Variants in DGKB observed in about 807,000 individuals in gnomAD.
DGKB encodes the protein diacylglycerol kinase beta.
In DGKB, 67 loss-of-function variants were observed where a neutral mutation model predicts 114.3. The observed-to-expected ratio is 0.59, with a 90% CI of 0.48 to 0.72. The LOEUF is 0.72. Ranked by LOEUF, DGKB falls within the 30% of genes least tolerant of loss-of-function variation. The probability of loss-of-function intolerance (pLI) is 0.00; values close to 1 mark genes in which losing one functional copy is unlikely to be tolerated. For missense variants in DGKB, 907 were observed against 975.2 expected (o/e 0.93, Z 0.93); for synonymous variants, 398 against 323.1 (o/e 1.23, Z -2.49).
At chr7:14,584,653 TTTTTTA>T (rs1435053472) in intron 17 of DGKB, among the ~76,000 whole-genome samples, 2 of 152,028 alleles carry the variant, frequency 1.3e-5, no homozygotes, top group East Asian at 1.9e-4. Context: ...TGCCTTTTTA[TTTTTTA>T]TTTTTATTTT....
At chr7:14,825,712 G>C (rs1216994113) in intron 2 of DGKB, among the ~76,000 whole-genome samples, 1 of 152,094 alleles carries the variant, frequency 6.6e-6, no homozygotes, top group Non-Finnish European at 1.5e-5. Flanking sequence ...AGTGGCAGGG[G>C]TATTGAGGAC....
At chr7:14,956,564 G>C (rs1007350047) in intron 1 of DGKB, among the ~76,000 whole-genome samples, 3 of 151,976 alleles carry the variant, frequency 2.0e-5, no homozygotes, top group Non-Finnish European at 4.4e-5. Context: ...CTTTAACCAA[G>C]AATTCATACA....
chr7:14,749,734 C>A (rs1233556902), intron 4 of DGKB, among the ~76,000 whole-genome samples: 1 of 152,082 alleles, frequency 6.6e-6, no homozygotes, highest in Non-Finnish European at 1.5e-5. Flanking sequence ...GAAACACACA[C>A]ATAAATCCTC....
chr7:14,210,915 T>G (rs1258362513), intron 23 of DGKB, among the ~76,000 whole-genome samples: 1 of 152,024 alleles, frequency 6.6e-6, no homozygotes, highest in Non-Finnish European at 1.5e-5. Flanking sequence ...TTTCCCTGAT[T>G]TTTGCATGCA....
chr7:14,484,340 ACAT>A (rs2128918730), intron 20 of DGKB, among the ~76,000 whole-genome samples: 1 of 151,022 alleles, frequency 6.6e-6, no homozygotes, highest in African/African-American at 2.4e-5. Context: ...TCCCCTCTGA[ACAT>A]CATGTTGAAT....
At chr7:14,568,171 CA>C (rs1750210585) in intron 20 of DGKB, among the ~76,000 whole-genome samples, 1 of 152,148 alleles carries the variant, frequency 6.6e-6, no homozygotes, top group African/African-American at 2.4e-5. Context: ...CTATCATTTT[CA>C]TTGCTAATCC....
chr7:14,590,712 A>T (rs937436391), intron 17 of DGKB, among the ~76,000 whole-genome samples: 4 of 152,086 alleles, frequency 2.6e-5, no homozygotes, highest in Admixed American at 6.6e-5. Context: ...TCTGACCCTC[A>T]GTTTCCATAA....
chr7:14,897,160 A>T (rs1036622696), intron 1 of DGKB, among the ~76,000 whole-genome samples: 5 of 151,792 alleles, frequency 3.3e-5, no homozygotes, highest in Non-Finnish European at 7.4e-5. Context: ...ATGGTACTTT[A>T]AAAAAAATTG....
At position 14,685,342 on chromosome 7, in the gene DGKB, C is replaced by G. The variant is rs757688824; in HGVS notation, c.732G>C (p.Gln244His). 1.8e-5 allele frequency: 29 copies of G among 1,613,410 alleles called. No homozygotes were observed. Among genetic ancestry groups the G allele is most frequent in the Non-Finnish European group, 2.5e-5 (29 of 1,179,490 alleles). Reference protein sequence around the residue: ...GLENNVKDDGQHVWRLKHFNK... With the variant: ...GLENNVKDDGHHVWRLKHFNK... ...TAAAGTGCTTCAGTCGCCACACGTGCTGTCCATCATCCTTCACGTTCTGCA... is the reference window on the plus strand; with the variant it reads ...TAAAGTGCTTCAGTCGCCACACGTGGTGTCCATCATCCTTCACGTTCTGCA... Residue 244 changes from glutamine (Q) to histidine (H), a missense_variant, in exon 10 of 26, where the codon CAG becomes CAC. Physicochemically the swap from Gln to His is conservative, Grantham distance 24. Coordinates refer to ENST00000402815, the MANE Select transcript of DGKB (RefSeq NM_001350709.2).
chr7:14,378,245 C>A (rs74880288), intron 21 of DGKB, among the ~76,000 whole-genome samples: 2 of 152,078 alleles, frequency 1.3e-5, no homozygotes, highest in Non-Finnish European at 2.9e-5. Context: ...GACCTCTTTA[C>A]GAACATTGAT....
chr7:14,787,285 T>C (rs1043691570), intron 2 of DGKB, among the ~76,000 whole-genome samples: 2 of 152,308 alleles, frequency 1.3e-5, no homozygotes, highest in African/African-American at 4.8e-5. Context: ...AAAAATTAAT[T>C]AGCATTTCAC....
chr7:14,785,727 C>T (rs1476268826), intron 2 of DGKB, among the ~76,000 whole-genome samples: 3 of 152,080 alleles, frequency 2.0e-5, no homozygotes, highest in Non-Finnish European at 4.4e-5. Flanking sequence ...GAAACATAAC[C>T]TTGAAATACA....
At chr7:14,628,475 A>G (rs10229549) in intron 14 of DGKB, among the ~76,000 whole-genome samples, 50,033 of 151,960 alleles carry the variant, frequency 0.33, 8,562 homozygotes, top group East Asian at 0.69. Context: ...AACTATTATA[A>G]GTGATAAGAT....
At chr7:14,369,635 C>A (rs1440572755) in intron 21 of DGKB, among the ~76,000 whole-genome samples, 1 of 152,042 alleles carries the variant, frequency 6.6e-6, no homozygotes, top group African/African-American at 2.4e-5. Context: ...AGATGGTATC[C>A]CATTGTGGTT....
chr7:14,772,861 C>T (rs1837619656), intron 2 of DGKB, among the ~76,000 whole-genome samples: 1 of 152,118 alleles, frequency 6.6e-6, no homozygotes, highest in Admixed American at 6.6e-5. Flanking sequence ...CTGCCTTTCT[C>T]ACCCCTCACC....
intron 23 of DGKB, among the ~76,000 whole-genome samples, chr7:14,238,595 G>A (rs1018870382): frequency 4.5e-4 from 61 of 134,860 alleles, no homozygotes; most frequent in Non-Finnish European, 6.1e-4. Context: ...AAATAAAACA[G>A]CAATGATCGT....
At chr7:14,213,518 A>G (rs1281388851) in intron 23 of DGKB, among the ~76,000 whole-genome samples, 1 of 152,154 alleles carries the variant, frequency 6.6e-6, no homozygotes, top group Non-Finnish European at 1.5e-5. Context: ...TTGGAAAACA[A>G]CATGTCTCCC....
chr7:14,702,654 A>G (rs1239977988), intron 6 of DGKB, among the ~76,000 whole-genome samples: 1 of 152,188 alleles, frequency 6.6e-6, no homozygotes, highest in Non-Finnish European at 1.5e-5. Context: ...GAATGGAAGT[A>G]CGGGTTTGTC....
chr7:14,925,105 T>A (rs1784685527), intron 1 of DGKB, among the ~76,000 whole-genome samples: 1 of 152,212 alleles, frequency 6.6e-6, no homozygotes. Flanking sequence ...ATTAATAATG[T>A]TTTCATTTTG....
Sources: allele counts gnomAD v4.1 joint callset (sites outside exome capture counted in the v4.1 genomes callset), GRCh38; gene constraint gnomAD v4.1.1; transcripts MANE v1.5; gene names NCBI Gene and HGNC (gene_info 2026-07-23, HGNC 2026-07-21).